PKD1L1: variants seen among roughly 807,000 people sequenced by gnomAD.
PKD1L1 encodes the protein polycystin 1 like 1, transient receptor potential channel interacting.
PKD1L1 carries 236 observed loss-of-function variants against 323.4 expected under a neutral mutation model. That is an observed-to-expected ratio of 0.73 (90% confidence interval 0.66 to 0.81). PKD1L1 has a LOEUF of 0.81. Ranked by LOEUF, PKD1L1 falls within the 40% of genes least tolerant of loss-of-function variation. PKD1L1 has a pLI of 0.00. For synonymous variants in PKD1L1, 1,344 were observed against 1,335.0 expected (o/e 1.01, Z -0.15); for missense variants, 3,320 against 3,508.0 (o/e 0.95, Z 1.35).
chr7:47,808,288 G>C lies in PKD1L1; in HGVS notation c.7786C>G (p.Arg2596Gly), dbSNP rs148706300. The change falls in exon 52 of 57, where the codon CGA (arginine) becomes GGA (glycine). Residue 2596 changes from arginine to glycine, a missense_variant. Physicochemically the swap from Arg to Gly is moderately radical, Grantham distance 125. Transcript: ENST00000289672. ...ATAAGGGTGAGGTCCATAAATGCTC[G>C]GCAAAGTCCTCTGTGAAACTGGTTA... The part of the protein sequence containing the change: ...VTNQFHRGLC[R>G]AFMDLTLMAS... 6.2e-7 allele frequency: 1 copy of C among 1,614,066 alleles called. No individual in the cohort carries two copies. The highest frequency in any genetic ancestry group is 8.5e-7 in the Non-Finnish European group (1 of 1,180,026).
At chr7:47,916,094 C>A (rs553538767) in intron 7 of PKD1L1, among the ~76,000 whole-genome samples, 1 of 152,288 alleles carries the variant, frequency 6.6e-6, no homozygotes, top group South Asian at 2.1e-4. Flanking sequence ...AACTTTCACA[C>A]AGCACTGATA....
intron 32 of PKD1L1, 61 bp downstream of exon 32, chr7:47,846,818 T>C (rs1272093658): frequency 6.7e-7 from 1 of 1,497,540 alleles, no homozygotes; most frequent in Admixed American, 2.1e-5. Context: ...TTGGGCCAAA[T>C]GCAGAAGACA....
rs567262855 is a variant in PKD1L1 at position 47,840,942 on chromosome 7, C to A, written c.5446-375G>T. Among the ~76,000 whole-genome samples, 1 of 152,196 alleles carries A rather than the reference C, an allele frequency of 6.6e-6. No individual in the cohort carries two copies. The highest frequency in any genetic ancestry group is 2.4e-5 in the African/African-American group (1 of 41,456). Reference sequence around the variant, plus strand: ...CAGGGAGATGCCAGAGGAGCCTGGACGCAGAGTAGGGTACCCATGCACCTG... The same window carrying A: ...CAGGGAGATGCCAGAGGAGCCTGGAAGCAGAGTAGGGTACCCATGCACCTG... On this transcript the variant is annotated intron_variant, in intron 34 of 56. Transcript: ENST00000289672. The surrounding 1 kb of genome is among the most constrained non-coding windows in gnomAD (Gnocchi z 4.1).
At chr7:47,791,462 A>ATTTTTTTT (rs10590668) in intron 56 of PKD1L1, among the ~76,000 whole-genome samples, 1 of 145,604 alleles carries the variant, frequency 6.9e-6, no homozygotes, top group African/African-American at 2.5e-5. Context: ...TCAAAGAGAC[A>ATTTTTTTT]TTTTTTTTTT....
intron 56 of PKD1L1, among the ~76,000 whole-genome samples, chr7:47,776,758 A>G (rs2128720354): frequency 6.6e-6 from 1 of 152,344 alleles, no homozygotes; most frequent in South Asian, 2.1e-4. Flanking sequence ...CCACGCAATA[A>G]ATAGCACCAT....
At chr7:47,784,715 C>CT (rs1786770052) in intron 56 of PKD1L1, among the ~76,000 whole-genome samples, 1 of 152,116 alleles carries the variant, frequency 6.6e-6, no homozygotes, top group African/African-American at 2.4e-5. Context: ...TCAGGTGATC[C>CT]GCCCATCTCA....
chr7:47,819,681 A>G, intron 46 of PKD1L1: 2 of 839,934 alleles, frequency 2.4e-6, no homozygotes, highest in Non-Finnish European at 3.4e-6. Flanking sequence ...ACTGAGCTAC[A>G]GAACACCCAG....
intron 26 of PKD1L1, among the ~76,000 whole-genome samples, chr7:47,859,528 G>C (rs1401192717): frequency 6.6e-6 from 1 of 151,840 alleles, no homozygotes; most frequent in Non-Finnish European, 1.5e-5. Flanking sequence ...ACCCAGGCTG[G>C]AGTGCAGTGG....
chr7:47,860,349 T>C (rs902958322), intron 26 of PKD1L1, among the ~76,000 whole-genome samples: 5 of 152,238 alleles, frequency 3.3e-5, no homozygotes, highest in Admixed American at 2.6e-4. Flanking sequence ...TGTTTGCAAC[T>C]TCATTCATCA....
intron 4 of PKD1L1, among the ~76,000 whole-genome samples, chr7:47,934,325 T>G (rs1787827228): frequency 6.6e-6 from 1 of 152,110 alleles, no homozygotes; most frequent in African/African-American, 2.4e-5. Context: ...TCTCTAACCT[T>G]GCACTACTCA....
At chr7:47,932,531 G>A (rs193288530) in intron 4 of PKD1L1, among the ~76,000 whole-genome samples, 6 of 152,334 alleles carry the variant, frequency 3.9e-5, no homozygotes, top group Non-Finnish European at 7.3e-5. Flanking sequence ...CTCAAGGACC[G>A]TGCCTCTGGC....
intron 7 of PKD1L1, among the ~76,000 whole-genome samples, chr7:47,919,651 C>G (rs905830658): frequency 6.6e-6 from 1 of 152,080 alleles, no homozygotes; most frequent in African/African-American, 2.4e-5. Flanking sequence ...TCCAACATAT[C>G]AAAAAGATAA....
intron 26 of PKD1L1, among the ~76,000 whole-genome samples, chr7:47,859,920 A>G (rs7805868): frequency 0.98 from 149,771 of 152,248 alleles, 73,708 homozygotes; most frequent in East Asian, 1. Flanking sequence ...GAGCCACCAC[A>G]CCCAGCCTAT....
At chr7:47,919,369 T>C (rs565022411) in intron 7 of PKD1L1, among the ~76,000 whole-genome samples, 1 of 152,196 alleles carries the variant, frequency 6.6e-6, no homozygotes, top group African/African-American at 2.4e-5. Context: ...AGCACTGAGA[T>C]TGAAATGTTA....
At chr7:47,947,811 C>A (rs887892716) in intron 1 of PKD1L1, among the ~76,000 whole-genome samples, 5 of 151,912 alleles carry the variant, frequency 3.3e-5, no homozygotes, top group Non-Finnish European at 7.4e-5. Context: ...ACTAAAAATA[C>A]AAAAAATTAG....
At chr7:47,928,012 T>C (rs1787687221) in intron 7 of PKD1L1, among the ~76,000 whole-genome samples, 1 of 152,200 alleles carries the variant, frequency 6.6e-6, no homozygotes, top group South Asian at 2.1e-4. Context: ...AGGGAAGCTC[T>C]TTCTGTGTAG....
At chr7:47,939,934 T>C (rs1787949913) in intron 3 of PKD1L1, among the ~76,000 whole-genome samples, 1 of 152,074 alleles carries the variant, frequency 6.6e-6, no homozygotes, top group South Asian at 2.1e-4. Context: ...ACCTGAGGGC[T>C]ACCCCTCACT....
intron 1 of PKD1L1, among the ~76,000 whole-genome samples, chr7:47,945,787 C>A (rs1788081371): frequency 6.6e-6 from 1 of 152,002 alleles, no homozygotes; most frequent in African/African-American, 2.4e-5. Flanking sequence ...GCCCTGGCAC[C>A]CACCAAGTTC....
At chr7:47,830,957 G>A (rs971670492) in intron 42 of PKD1L1, among the ~76,000 whole-genome samples, 5 of 152,148 alleles carry the variant, frequency 3.3e-5, no homozygotes, top group Admixed American at 1.3e-4. Flanking sequence ...TTGGGTGGGC[G>A]TCCTGCAGCT....
Sources: allele counts gnomAD v4.1 joint callset (sites outside exome capture counted in the v4.1 genomes callset), GRCh38; gene constraint gnomAD v4.1.1; non-coding constraint Gnocchi (gnomAD v3.1); transcripts MANE v1.5; gene names NCBI Gene and HGNC (gene_info 2026-07-23, HGNC 2026-07-21).